Variants in GDAP1 observed in about 807,000 individuals in gnomAD.
GDAP1 encodes ganglioside induced differentiation associated protein 1.
GDAP1 carries 34 observed loss-of-function variants against 40.1 expected under a neutral mutation model. The observed-to-expected ratio is 0.85, with a 90% CI of 0.64 to 1.13. The LOEUF is 1.13. GDAP1 is among the 50% of genes most tolerant of loss of function. The probability of loss-of-function intolerance (pLI) is 0.00; values close to 1 mark genes in which losing one functional copy is unlikely to be tolerated. For missense variants in GDAP1, 374 were observed against 433.7 expected (o/e 0.86, Z 1.22); for synonymous variants, 170 against 157.4 (o/e 1.08, Z -0.60).
At chr8:74,472,526 A>G (rs1476367334) in intron 2 of GDAP1, among the ~76,000 whole-genome samples, 2 of 152,104 alleles carry the variant, frequency 1.3e-5, no homozygotes, top group South Asian at 2.1e-4. Context: ...GCTTTCCACA[A>G]TGGTTAAACT....
intron 2 of GDAP1, among the ~76,000 whole-genome samples, chr8:74,438,097 C>T (rs919718942): frequency 5.9e-5 from 9 of 151,920 alleles, no homozygotes; most frequent in African/African-American, 1.7e-4. Context: ...GGTGAAACCC[C>T]GTCTCTACTA....
intron 3 of GDAP1, 81 bp downstream of exon 3, chr8:74,360,391 C>T: frequency 8.4e-7 from 1 of 1,188,442 alleles, no homozygotes. Flanking sequence ...GTCTCATGGT[C>T]ACTAAAAGAA....
chr8:74,487,691 T>C (rs1458433150), intron 2 of GDAP1, among the ~76,000 whole-genome samples: 1 of 152,090 alleles, frequency 6.6e-6, no homozygotes, highest in Non-Finnish European at 1.5e-5. Context: ...TTCTAGGAAA[T>C]TCAAAAGGTA....
intron 2 of GDAP1, among the ~76,000 whole-genome samples, chr8:74,484,153 T>C (rs1806747341): frequency 6.6e-6 from 1 of 152,172 alleles, no homozygotes; most frequent in Non-Finnish European, 1.5e-5. Context: ...AGAAGTTGCT[T>C]ACAAAAACTA....
intron 2 of GDAP1, among the ~76,000 whole-genome samples, chr8:74,383,777 C>T (rs1411956741): frequency 6.6e-6 from 1 of 152,150 alleles, no homozygotes; most frequent in African/African-American, 2.4e-5. Flanking sequence ...TGGTTTTTAG[C>T]TGCACCTATT....
intron 2 of GDAP1, among the ~76,000 whole-genome samples, chr8:74,375,113 G>C (rs1331865708): frequency 6.6e-6 from 1 of 152,232 alleles, no homozygotes; most frequent in African/African-American, 2.4e-5. Context: ...GATCACTTGA[G>C]GTTAGGAGTT....
At chr8:74,378,325 G>A (rs1320032605) in intron 2 of GDAP1, among the ~76,000 whole-genome samples, 1 of 152,190 alleles carries the variant, frequency 6.6e-6, no homozygotes, top group African/African-American at 2.4e-5. Context: ...TCCAAAATGG[G>A]AGAAGTGGGG....
chr8:74,360,064 G>A, intron 2 of GDAP1, 73 bp from the exon 3 acceptor site: 1 of 1,047,768 alleles, frequency 9.5e-7, no homozygotes, highest in Non-Finnish European at 1.5e-6. Context: ...AGTGGATAGT[G>A]TTTTTGTTTT....
rs1470584902 is a variant in GDAP1 at position 74,364,182 on chromosome 8, A to G, written c.892A>G (p.Asn298Asp). ...TAACAAGGTTTTAGGACATGTCAACAATATATTAATCTCTGCAGTGCTGCC... is the reference window on the plus strand; with the variant it reads ...TAACAAGGTTTTAGGACATGTCAACGATATATTAATCTCTGCAGTGCTGCC... ...TFNKVLGHVN[N>D]ILISAVLPTA... Residue 298 changes from asparagine to aspartate, a missense_variant, in exon 6 of 6, where the codon AAT becomes GAT. Coordinates refer to ENST00000220822, the MANE Select transcript of GDAP1 (RefSeq NM_018972.4). 2 of 1,614,148 alleles carry G rather than the reference A, an allele frequency of 1.2e-6. No individual in the cohort carries two copies. The highest frequency in any genetic ancestry group is 4.5e-5 in the East Asian group (2 of 44,882).
chr8:74,435,314 C>T (rs575211335), intron 2 of GDAP1, among the ~76,000 whole-genome samples: 193 of 152,208 alleles, frequency 1.3e-3, no homozygotes, highest in Non-Finnish European at 2.1e-3. Flanking sequence ...GGTAGACTAA[C>T]CCTCAAGAGC....
At chr8:74,470,522 C>T (rs930653522) in intron 2 of GDAP1, among the ~76,000 whole-genome samples, 46 of 152,126 alleles carry the variant, frequency 3.0e-4, no homozygotes, top group Admixed American at 4.6e-4. Context: ...TTTGTCCTTG[C>T]GATAGTTTGC....
In GDAP1 at chr8:74,396,297, A is replaced by G. The variant is rs558088860; in HGVS notation, c.165+44976A>G. On this transcript the variant is annotated intron_variant, in intron 2 of 2. Coordinates refer to the GDAP1 transcript ENST00000523640. ...TCCAATGTCATATTATTTTATAAAA[A>G]TAAAAAGCTTTTATTTTTATTTATT... Among the ~76,000 whole-genome samples, 824 of 151,984 alleles carry G rather than the reference A, an allele frequency of 5.4e-3. 7 individuals carry two copies. The highest frequency in any genetic ancestry group is 0.019 in the African/African-American group (792 of 41,522).
intron 2 of GDAP1, among the ~76,000 whole-genome samples, chr8:74,392,743 A>C (rs1810132187): frequency 6.6e-6 from 1 of 152,230 alleles, no homozygotes; most frequent in Non-Finnish European, 1.5e-5. Context: ...TTTATGCCAT[A>C]GAGAGGGCAA....
chr8:74,431,628 C>T (rs895005091), intron 2 of GDAP1, among the ~76,000 whole-genome samples: 4 of 151,996 alleles, frequency 2.6e-5, no homozygotes, highest in African/African-American at 9.7e-5. Context: ...ACTACAGGCG[C>T]CCGCCACTGC....
chr8:74,377,321 T>C (rs1172840189), intron 2 of GDAP1, among the ~76,000 whole-genome samples: 1 of 152,142 alleles, frequency 6.6e-6, no homozygotes, highest in Admixed American at 6.5e-5. Context: ...AGTCGAAATA[T>C]ATAAAGTATA....
chr8:74,380,781 G>T (rs1465687794), intron 2 of GDAP1, among the ~76,000 whole-genome samples: 2 of 152,014 alleles, frequency 1.3e-5, no homozygotes, highest in Non-Finnish European at 2.9e-5. Flanking sequence ...TAAGGCCCAG[G>T]TGTATAATTT....
At chr8:74,380,816 C>T (rs1453989167) in intron 2 of GDAP1, among the ~76,000 whole-genome samples, 3 of 152,122 alleles carry the variant, frequency 2.0e-5, no homozygotes, top group Admixed American at 1.3e-4. Flanking sequence ...AAAATACACA[C>T]CATGATTTTT....
chr8:74,374,177 T>A (rs566120290), intron 2 of GDAP1, among the ~76,000 whole-genome samples: 1 of 152,290 alleles, frequency 6.6e-6, no homozygotes, highest in South Asian at 2.1e-4. Context: ...TATTGAGGAT[T>A]TTTACATTGA....
At chr8:74,460,203 G>T (rs1484370110) in intron 2 of GDAP1, among the ~76,000 whole-genome samples, 1 of 152,198 alleles carries the variant, frequency 6.6e-6, no homozygotes, top group Admixed American at 6.5e-5. Context: ...CATTCATTAT[G>T]ATCTCCATTA....
Sources: allele counts gnomAD v4.1 joint callset (sites outside exome capture counted in the v4.1 genomes callset), GRCh38; gene constraint gnomAD v4.1.1; transcripts MANE v1.5; gene names NCBI Gene and HGNC (gene_info 2026-07-23, HGNC 2026-07-21).